DMD: variants seen among roughly 807,000 people sequenced by gnomAD.
DMD encodes dystrophin, also known as mutant dystrophin.
A neutral mutation model predicts 330.1 loss-of-function variants in DMD; 63 were observed. The observed-to-expected ratio is 0.19, with a 90% CI of 0.16 to 0.24. DMD has a LOEUF of 0.24. DMD is among the 10% of genes least tolerant of loss of function. The pLI is 1.00. For missense variants in DMD, 3,344 were observed against 2,684.1 expected (o/e 1.25, Z -5.43); for synonymous variants, 1,223 against 959.8 (o/e 1.27, Z -5.07).
intron 2 of DMD, among the ~76,000 whole-genome samples, chrX:32,879,879 T>C (rs2083739815): frequency 9.0e-6 from 1 of 111,710 alleles, no homozygotes; most frequent in Non-Finnish European, 1.9e-5. Context: ...CTAGATGTAC[T>C]TGCATGTATT....
intron 1 of DMD, among the ~76,000 whole-genome samples, chrX:33,241,734 T>C (rs183266503): frequency 1.1e-4 from 12 of 111,824 alleles, no homozygotes; most frequent in African/African-American, 3.2e-4. Context: ...GGTCTTTCAC[T>C]TCTTTGGTTA....
At chrX:32,193,902 A>G (rs1176970656) in intron 44 of DMD, among the ~76,000 whole-genome samples, 4 of 111,939 alleles carry the variant, frequency 3.6e-5, no homozygotes, top group Non-Finnish European at 7.5e-5. Context: ...GATAATTGGT[A>G]GACATGGGGT....
chrX:32,541,654 T>C (rs1206176573), intron 17 of DMD, among the ~76,000 whole-genome samples: 1 of 110,294 alleles, frequency 9.1e-6, no homozygotes, highest in Non-Finnish European at 1.9e-5. Flanking sequence ...TATTTGAGAG[T>C]GGAAGGTGGG....
chrX:31,455,864 TA>T (rs1414605902), intron 59 of DMD, among the ~76,000 whole-genome samples: 1 of 112,041 alleles, frequency 8.9e-6, no homozygotes, highest in African/African-American at 3.2e-5. Flanking sequence ...ATAAAAGCAT[TA>T]AAAATATTTA....
At chrX:31,478,001 T>C (rs1215245195) in intron 59 of DMD, 105 bp downstream of exon 59, 4 of 928,011 alleles carry the variant, frequency 4.3e-6, no homozygotes, top group Non-Finnish European at 6.0e-6. Context: ...GACGGACTGA[T>C]TTCTCTAGCT....
intron 1 of DMD, among the ~76,000 whole-genome samples, chrX:33,272,030 C>T (rs1223616559): frequency 1.8e-5 from 2 of 109,504 alleles, no homozygotes; most frequent in Admixed American, 2.0e-4. Context: ...ATTACAGGTG[C>T]CCACCACCAC....
chrX:31,241,870 T>C (rs2048331145), intron 63 of DMD, among the ~76,000 whole-genome samples: 1 of 111,808 alleles, frequency 8.9e-6, no homozygotes, highest in Non-Finnish European at 1.9e-5. Flanking sequence ...ACAATGTTTT[T>C]CCCATTGCCA....
chrX:31,693,197 A>G (rs983166515), intron 52 of DMD, among the ~76,000 whole-genome samples: 6 of 112,257 alleles, frequency 5.3e-5, no homozygotes, highest in African/African-American at 1.9e-4. Flanking sequence ...TAATAAACTC[A>G]GAAAGAGCAT....
intron 2 of DMD, among the ~76,000 whole-genome samples, chrX:32,973,049 G>A (rs144144497): frequency 0.016 from 1,760 of 111,068 alleles, 16 homozygotes; most frequent in Non-Finnish European, 0.026. Context: ...CTTTAGTCTG[G>A]GCTCCCATGA....
chrX:32,961,400 A>AT (rs2091890316), intron 2 of DMD, among the ~76,000 whole-genome samples: 1 of 110,904 alleles, frequency 9.0e-6, no homozygotes, highest in African/African-American at 3.3e-5. Flanking sequence ...TGAATCATAC[A>AT]TTTTACATTT....
chrX:31,172,471 G>T, intron 72 of DMD, 58 bp from the exon 73 acceptor site: 2 of 865,420 alleles, frequency 2.3e-6, no homozygotes, highest in Non-Finnish European at 3.4e-6. Flanking sequence ...ATCTATTCAA[G>T]ACCTAATCGA....
intron 76 of DMD, among the ~76,000 whole-genome samples, chrX:31,144,894 G>A (rs2701798): frequency 1.8e-5 from 2 of 111,474 alleles, no homozygotes; most frequent in Non-Finnish European, 3.8e-5. Flanking sequence ...CAGCTGGCTA[G>A]GAACCCCTGT....
At chrX:32,680,340 C>T (rs928531376) in intron 9 of DMD, among the ~76,000 whole-genome samples, 3 of 111,440 alleles carry the variant, frequency 2.7e-5, no homozygotes, top group Non-Finnish European at 5.6e-5. Context: ...CAAATACAAT[C>T]AAAATACTGA....
At chrX:31,231,435 C>T (rs1452565805) in intron 63 of DMD, among the ~76,000 whole-genome samples, 2 of 111,956 alleles carry the variant, frequency 1.8e-5, no homozygotes, top group Admixed American at 1.9e-4. Context: ...ATTCATCTAT[C>T]CATAATCCTT....
chrX:31,721,355 G>A (rs972439940), intron 52 of DMD, among the ~76,000 whole-genome samples: 2 of 107,827 alleles, frequency 1.9e-5, no homozygotes, highest in Admixed American at 1.2e-4. Flanking sequence ...CAGACTTTGA[G>A]TAAAGCAGAT....
intron 44 of DMD, among the ~76,000 whole-genome samples, chrX:31,986,231 CAT>C (rs2095507973): frequency 9.1e-6 from 1 of 110,436 alleles, no homozygotes; most frequent in Non-Finnish European, 1.9e-5. Context: ...TTTAAAATGA[CAT>C]ATAAAATTTA....
At chrX:31,147,556 AAGAAAAAG>A (rs2036876671) in intron 74 of DMD, 38 bp from the exon 75 acceptor site, 3 of 1,027,965 alleles carry the variant, frequency 2.9e-6, no homozygotes, top group Admixed American at 2.8e-5. Flanking sequence ...AAAAAAAAGA[AAGAAAAAG>A]AAAAAGAAGA....
chrX:32,760,431 T>G (rs751884797), intron 7 of DMD, among the ~76,000 whole-genome samples: 21 of 111,959 alleles, frequency 1.9e-4, no homozygotes, highest in African/African-American at 6.8e-4. Context: ...CCACAGAGAA[T>G]AAATTTTCCA....
chrX:33,313,944 G>T (rs757965538), intron 1 of DMD, among the ~76,000 whole-genome samples: 1 of 110,828 alleles, frequency 9.0e-6, no homozygotes, highest in African/African-American at 3.3e-5. Context: ...ATATTTGTGA[G>T]CTGTCATTAA....
Sources: allele counts gnomAD v4.1 joint callset (sites outside exome capture counted in the v4.1 genomes callset), GRCh38; gene constraint gnomAD v4.1.1; transcripts MANE v1.5; gene names NCBI Gene and HGNC (gene_info 2026-07-23, HGNC 2026-07-21).